Variants in ATRX observed in about 807,000 individuals in gnomAD.
The protein encoded by ATRX is ATRX chromatin remodeler.
ATRX carries 12 observed loss-of-function variants against 172.6 expected under a neutral mutation model. The observed-to-expected ratio is 0.07, with a 90% CI of 0.04 to 0.11. ATRX has a LOEUF of 0.11. Among genes scored for constraint, ATRX ranks in the 10% least tolerant of loss-of-function variants. ATRX has a pLI of 1.00. For synonymous variants in ATRX, 674 were observed against 594.7 expected, an observed-to-expected ratio of 1.13 and a Z score of -1.94; for missense variants, 1,368 against 1,767.4, an observed-to-expected ratio of 0.77 and a Z score of 4.05.
chrX:77,576,947 T>C (rs1396784637), intron 27 of ATRX, among the ~76,000 whole-genome samples: 1 of 112,161 alleles, frequency 8.9e-6, no homozygotes, highest in Non-Finnish European at 1.9e-5. Context: ...GTGTCAAAGT[T>C]TCCTTCCTTA....
chrX:77,685,076 A>C, intron 7 of ATRX, 70 bp from the exon 8 acceptor site: 1 of 865,699 alleles, frequency 1.2e-6, no homozygotes, highest in South Asian at 2.1e-5. Flanking sequence ...CAAAAACTTT[A>C]TTTTTTTAAG....
chrX:77,512,621 C>A (rs1202842671), intron 34 of ATRX, among the ~76,000 whole-genome samples: 1 of 112,199 alleles, frequency 8.9e-6, no homozygotes, highest in Non-Finnish European at 1.9e-5. Flanking sequence ...GTGATCCCAG[C>A]GCTTTGGGAG....
chrX:77,526,273 G>A (rs1464394975), intron 30 of ATRX, among the ~76,000 whole-genome samples: 2 of 111,702 alleles, frequency 1.8e-5, no homozygotes, highest in African/African-American at 3.3e-5. Context: ...GATTCCAGGG[G>A]AGGGGGAACT....
At position 77,558,598 on chromosome X, in the gene ATRX, T is replaced by C. The variant is rs782239086; in HGVS notation, c.6504+71A>G. On this transcript the variant is annotated intron_variant, in intron 29 of 34. Coordinates refer to ENST00000373344, the MANE Select transcript of ATRX (RefSeq NM_000489.6). ...TGTTTCCCTCTCTGTAATACACATA[T>C]GTTCCATATCTCTAAAATATTATCA... 2.5e-5 allele frequency: 24 copies of C among 951,412 alleles called. No individual in the cohort carries two copies. The South Asian group carries it at 4.4e-4, about 18-fold the overall frequency. The allele number at this position is 951,412 out of a possible 1,213,427, so 78.4% of individuals were successfully genotyped here. A position where few individuals can be genotyped will look rare whatever the true frequency, so the allele number is the denominator to read the frequency against.
intron 2 of ATRX, among the ~76,000 whole-genome samples, chrX:77,702,830 G>T (rs1431095346): frequency 9.0e-6 from 1 of 111,025 alleles, no homozygotes; most frequent in Non-Finnish European, 1.9e-5. Flanking sequence ...GGGCTCAAGT[G>T]ATCCTCCTGC....
At chrX:77,712,576 G>A (rs1165288310) in intron 2 of ATRX, among the ~76,000 whole-genome samples, 1 of 112,132 alleles carries the variant, frequency 8.9e-6, no homozygotes, top group Non-Finnish European at 1.9e-5. Context: ...TGTAATCAGA[G>A]CACTTTGGGA....
At chrX:77,570,058 G>T (rs1258800973) in intron 28 of ATRX, among the ~76,000 whole-genome samples, 1 of 111,711 alleles carries the variant, frequency 9.0e-6, no homozygotes, top group Non-Finnish European at 1.9e-5. Flanking sequence ...ATGATGCAGA[G>T]AAAGACATAT....
At chrX:77,512,414 C>T (rs971325097) in intron 34 of ATRX, among the ~76,000 whole-genome samples, 1 of 112,448 alleles carries the variant, frequency 8.9e-6, no homozygotes, top group Non-Finnish European at 1.9e-5. Flanking sequence ...ATAAAACTCA[C>T]TGGCAATAGA....
At chrX:77,613,704 T>A (rs1391076678) in intron 22 of ATRX, among the ~76,000 whole-genome samples, 1 of 112,351 alleles carries the variant, frequency 8.9e-6, no homozygotes, top group Non-Finnish European at 1.9e-5. Context: ...ATATTCTGCA[T>A]GTGAATCCCT....
chrX:77,515,540 C>A (rs2063023501), intron 34 of ATRX, among the ~76,000 whole-genome samples: 1 of 111,378 alleles, frequency 9.0e-6, no homozygotes, highest in Non-Finnish European at 1.9e-5. Context: ...CTCACGTCCC[C>A]TCATACGGCA....
At chrX:77,595,090 G>A (rs1306629501) in intron 25 of ATRX, 3 of 111,807 alleles carry the variant, frequency 2.7e-5, no homozygotes, top group Admixed American at 9.5e-5. Context: ...CTGGCATAAA[G>A]TTATGATTAG....
chrX:77,651,217 C>CAAAAAAAAAAAAAAAAAAAAAAAAAA (rs1170232589), intron 15 of ATRX, among the ~76,000 whole-genome samples: 1 of 16,482 alleles, frequency 6.1e-5, no homozygotes, highest in African/African-American at 2.5e-4. Context: ...AACTCCATCT[C>CAAAAAAAAAAAAAAAAAAAAAAAAAA]AAAAAAAAAA....
At chrX:77,626,703 G>T (rs1260452920) in intron 19 of ATRX, among the ~76,000 whole-genome samples, 1 of 111,880 alleles carries the variant, frequency 8.9e-6, no homozygotes, top group African/African-American at 3.2e-5. Flanking sequence ...ACATGCTTCT[G>T]TAAGCACAAA....
chrX:77,682,495 C>A lies in ATRX; in HGVS notation c.2761G>T (p.Val921Phe), dbSNP rs587778088. Residue 921 changes from valine (V) to phenylalanine (F), a missense_variant, in exon 9 of 35, where the codon GTC (valine) becomes TTC (phenylalanine). Transcript: ENST00000373344. ...TCCTCTTTCCCAGAAAGCTTATCGA[C>A]ACCATCAGTGGAAGCACTTGCTTGC... Reference protein sequence around the residue: ...KQQASASTDGVDKLSGKEESF... With the variant: ...KQQASASTDGFDKLSGKEESF... 28 of 1,209,818 alleles carry A rather than the reference C, an allele frequency of 2.3e-5. No homozygotes were observed. The highest frequency in any genetic ancestry group is 2.9e-5 in the Non-Finnish European group (26 of 895,131).
chrX:77,681,811 T>C lies in ATRX; in HGVS notation c.3445A>G (p.Ile1149Val). The C allele has an allele frequency of 4.2e-6, 5 of 1,198,574 alleles. No homozygotes were observed. The East Asian group carries it at 1.2e-4, about 28-fold the overall frequency. The change falls in exon 9 of 35, where the codon ATA becomes GTA. Residue 1149 changes from isoleucine (I) to valine (V), a missense_variant. This residue lies in a region of ATRX where 843 missense variants were observed against 643.1 expected (regional missense o/e 1.31). Coordinates refer to ENST00000373344, the MANE Select transcript of ATRX (RefSeq NM_000489.6). ...NLSSKRNTKE[I>V]QSGSSSSDAE... ...TCAGATGATGATGAGCCACTTTGTATTTCCTTAGTATTTCTCTTTGAACTT... is the reference window on the plus strand; with the variant it reads ...TCAGATGATGATGAGCCACTTTGTACTTCCTTAGTATTTCTCTTTGAACTT...
At chrX:77,654,795 G>A (rs2148454159) in intron 13 of ATRX, among the ~76,000 whole-genome samples, 1 of 111,731 alleles carries the variant, frequency 9.0e-6, no homozygotes, top group Admixed American at 9.5e-5. Context: ...TTCCTTTTCT[G>A]GGTATATACC....
chrX:77,518,433 G>T (rs1293339936), intron 34 of ATRX, among the ~76,000 whole-genome samples: 1 of 111,494 alleles, frequency 9.0e-6, no homozygotes, highest in African/African-American at 3.3e-5. Context: ...AAATACCTAG[G>T]AATAAACTTA....
intron 31 of ATRX, 122 bp downstream of exon 31, chrX:77,523,130 G>A: frequency 2.2e-6 from 2 of 920,586 alleles, no homozygotes; most frequent in Non-Finnish European, 3.1e-6. Flanking sequence ...TTGTAATTGG[G>A]GAATGTGTTC....
chrX:77,750,746 T>C (rs1466035470), intron 1 of ATRX, among the ~76,000 whole-genome samples: 1 of 109,963 alleles, frequency 9.1e-6, no homozygotes, highest in African/African-American at 3.3e-5. Context: ...GTTCTCACTG[T>C]TCGACTCCCA....
Sources: gnomAD v4.1 joint callset for allele counts (sites outside exome capture counted in the v4.1 genomes callset) on GRCh38, gnomAD v4.1.1 for gene constraint, gnomAD v4.1.1 regional missense constraint, MANE v1.5 for transcripts, NCBI Gene and HGNC (gene_info 2026-07-23, HGNC 2026-07-21) for gene names.